NAALADL2: variants seen among roughly 807,000 people sequenced by gnomAD.
NAALADL2 encodes the protein N-acetylated alpha-linked acidic dipeptidase like 2, also known as inactive N-acetylated-alpha-linked acidic dipeptidase-like protein 2.
Under a neutral mutation model 87.2 loss-of-function variants are expected in NAALADL2, and 76 were observed. The observed-to-expected ratio is 0.87, with a 90% confidence interval of 0.72 to 1.05. NAALADL2 has a LOEUF of 1.05. Among genes scored for constraint, NAALADL2 ranks in the 50% least tolerant of loss-of-function variants. The pLI is 0.00. For missense variants in NAALADL2, 1,089 were observed against 945.8 expected, an observed-to-expected ratio of 1.15 and a Z score of -1.99; for synonymous variants, 354 against 331.0, an observed-to-expected ratio of 1.07 and a Z score of -0.75.
intron 2 of NAALADL2, among the ~76,000 whole-genome samples, chr3:174,712,562 A>C (rs552771192): frequency 3.2e-4 from 48 of 150,590 alleles, no homozygotes; most frequent in Non-Finnish European, 1.5e-4. Flanking sequence ...TAATTTTTAT[A>C]CATTTAGTAG....
At chr3:174,903,195 T>A (rs1021911506) in intron 1 of NAALADL2, among the ~76,000 whole-genome samples, 3 of 152,074 alleles carry the variant, frequency 2.0e-5, no homozygotes, top group African/African-American at 7.2e-5. Context: ...TGAGCTAAGA[T>A]CTTCATTTCT....
Position 175,263,541 on chromosome 3 carries a change from A to T in NAALADL2, c.939+7011A>T, listed in dbSNP as rs527891948. On this transcript the variant is annotated intron_variant, in intron 4 of 13. Coordinates refer to ENST00000454872, the MANE Select transcript of NAALADL2 (RefSeq NM_207015.3). ...TTTTGAACCATTTGAAAATTACGAC[A>T]TCATAGCAAATGGCATCATGTATCA... Among the ~76,000 whole-genome samples, 3 of 152,058 alleles carry T rather than the reference A, an allele frequency of 2.0e-5. No individual in the cohort carries two copies. The South Asian group carries it at 6.2e-4, about 31-fold the overall frequency.
At chr3:175,549,234 C>G (rs923401433) in intron 9 of NAALADL2, among the ~76,000 whole-genome samples, 1 of 151,838 alleles carries the variant, frequency 6.6e-6, no homozygotes, top group Non-Finnish European at 1.5e-5. Flanking sequence ...ATACACCACC[C>G]TTTTTGTTTA....
chr3:175,181,462 C>A (rs374654756), intron 2 of NAALADL2, among the ~76,000 whole-genome samples: 1 of 151,616 alleles, frequency 6.6e-6, no homozygotes, highest in East Asian at 1.9e-4. Flanking sequence ...TGATCGACAT[C>A]TCCCAATTCT....
intron 1 of NAALADL2, among the ~76,000 whole-genome samples, chr3:174,923,165 A>C (rs1735483297): frequency 6.6e-6 from 1 of 152,160 alleles, no homozygotes; most frequent in South Asian, 2.1e-4. Context: ...TATCAGAAAA[A>C]GATGGGGGCT....
chr3:174,716,898 G>T (rs973132032), intron 2 of NAALADL2, among the ~76,000 whole-genome samples: 1 of 151,930 alleles, frequency 6.6e-6, no homozygotes. Flanking sequence ...TCTGAATTGT[G>T]GAAGAAAAAA....
intron 2 of NAALADL2, among the ~76,000 whole-genome samples, chr3:174,579,621 T>C (rs1281623622): frequency 6.6e-6 from 1 of 152,098 alleles, no homozygotes; most frequent in African/African-American, 2.4e-5. Context: ...CCTATCTTGA[T>C]ACATTTGTTA....
chr3:174,641,193 T>A (rs2861838), intron 2 of NAALADL2, among the ~76,000 whole-genome samples: 16,772 of 152,144 alleles, frequency 0.11, 1,065 homozygotes, highest in South Asian at 0.27. Context: ...TCTCCACAGC[T>A]GCAAGAGATG....
In NAALADL2 at chr3:174,578,906, T is replaced by C. The variant is rs74282673; in HGVS notation, c.-115+28269T>C. Among the ~76,000 whole-genome samples the C allele has an allele frequency of 8.6e-5, 13 of 152,032 alleles. No individual in the cohort carries two copies. The East Asian group carries it at 2.5e-3, about 29-fold the overall frequency. On this transcript the variant is annotated intron_variant, in intron 2 of 3. Transcript: ENST00000434257. ...GCAAAATATTTATAAAATATAGATT[T>C]CACAAAGGCTTCATCATCTTACGAA... is the stretch of plus-strand genomic sequence containing the variant.
At chr3:175,442,827 T>A (rs1581909172) in intron 5 of NAALADL2, among the ~76,000 whole-genome samples, 1 of 152,220 alleles carries the variant, frequency 6.6e-6, no homozygotes, top group East Asian at 1.9e-4. Context: ...CAGAGTATGA[T>A]ATAAATGCTG....
chr3:175,203,652 G>A lies in NAALADL2; in HGVS notation c.546-30279G>A, dbSNP rs74680318. 9.7e-4 allele frequency among the ~76,000 whole-genome samples: 148 copies of A among 152,172 alleles called. 2 individuals are homozygous for A. In the East Asian group the frequency reaches 0.025, roughly 25 times the overall value. ...GAACCACAATCTAGTCCTGCCTCCT[G>A]TCCACCATGATAATCTCTCATAAAT... On this transcript the variant is annotated intron_variant, in intron 2 of 13. Transcript: ENST00000454872.
chr3:175,236,643 A>C (rs2109532481), intron 3 of NAALADL2, among the ~76,000 whole-genome samples: 1 of 152,144 alleles, frequency 6.6e-6, no homozygotes, highest in South Asian at 2.1e-4. Flanking sequence ...CTACCAGCAA[A>C]CTCTCATAAT....
chr3:174,937,601 CTGG>C (rs1432791028), intron 1 of NAALADL2, among the ~76,000 whole-genome samples: 1 of 151,992 alleles, frequency 6.6e-6, no homozygotes, highest in Non-Finnish European at 1.5e-5. Context: ...TATTTGTTAG[CTGG>C]AATAAAGAGC....
chr3:175,810,492 G>A lies in NAALADL2; in HGVS notation c.*7289G>A, dbSNP rs572213583. 2.0e-4 allele frequency: 30 copies of A among 151,900 alleles called. No individual in the cohort carries two copies. The highest frequency in any genetic ancestry group is 4.8e-4 in the African/African-American group (20 of 41,542). 9.4% of individuals were successfully genotyped at this position (151,900 alleles called of 1,614,324 possible). On this transcript the variant is annotated 3_prime_UTR_variant, in exon 14 of 14. Transcript: ENST00000454872. ...AATCATAATTTTCATGAGTTTGTAC[G>A]TGAAATGTTAATGTTTAAAACACCC...
chr3:175,404,838 T>C (rs1341984722), intron 5 of NAALADL2, among the ~76,000 whole-genome samples: 2 of 152,176 alleles, frequency 1.3e-5, no homozygotes, highest in African/African-American at 4.8e-5. Flanking sequence ...ATAAATTACT[T>C]TGGCAACACA....
Position 175,250,027 on chromosome 3 carries a change from G to A in NAALADL2, c.820-6384G>A, listed in dbSNP as rs897070447. 2.6e-5 allele frequency among the ~76,000 whole-genome samples: 4 copies of A among 151,988 alleles called. No individual in the cohort carries two copies. In the South Asian group the frequency reaches 8.3e-4, roughly 32 times the overall value. On this transcript the variant is annotated intron_variant, in intron 3 of 13. Transcript: ENST00000454872. The stretch of plus-strand genomic sequence containing the variant: ...TATACTAAAAATGCAAAATTAGCCG[G>A]GCGTGGTGGCGCATGCCTGTAATCC...
chr3:175,108,293 T>C (rs977485980), intron 2 of NAALADL2, among the ~76,000 whole-genome samples: 1 of 151,934 alleles, frequency 6.6e-6, no homozygotes, highest in African/African-American at 2.4e-5. Context: ...GCTTTCAGTA[T>C]TAGAAATAAA....
intron 10 of NAALADL2, among the ~76,000 whole-genome samples, chr3:175,623,827 T>C (rs1045861842): frequency 1.3e-5 from 2 of 152,002 alleles, no homozygotes; most frequent in Non-Finnish European, 2.9e-5. Flanking sequence ...CTCAAACATC[T>C]TTCTAGCTCA....
chr3:174,582,177 T>C (rs918205119), intron 2 of NAALADL2, among the ~76,000 whole-genome samples: 1 of 152,158 alleles, frequency 6.6e-6, no homozygotes, highest in Non-Finnish European at 1.5e-5. Context: ...AGGTTGCCAC[T>C]TGTGATCTTC....
Sources: allele counts gnomAD v4.1 joint callset (sites outside exome capture counted in the v4.1 genomes callset), GRCh38; gene constraint gnomAD v4.1.1; transcripts MANE v1.5; gene names NCBI Gene and HGNC (gene_info 2026-07-23, HGNC 2026-07-21).